NPHP1: variants seen among roughly 807,000 people sequenced by gnomAD.
The protein encoded by NPHP1 is nephrocystin 1, also known as nephrocystin-1.
Under a neutral mutation model 90.4 loss-of-function variants are expected in NPHP1, and 70 were observed. The observed-to-expected ratio is 0.77, with a 90% CI of 0.64 to 0.95. The LOEUF (loss-of-function observed/expected upper bound fraction) is 0.95, where lower values mean the gene tolerates loss of function less well. Among genes scored for constraint, NPHP1 ranks in the 40% least tolerant of loss-of-function variants. NPHP1 has a pLI of 0.00. For synonymous variants in NPHP1, 256 were observed against 271.7 expected (o/e 0.94, Z 0.57); for missense variants, 764 against 795.9 (o/e 0.96, Z 0.48).
chr2:110,141,162 C>T (rs748524861), intron 16 of NPHP1, among the ~76,000 whole-genome samples: 2 of 152,104 alleles, frequency 1.3e-5, no homozygotes, highest in Non-Finnish European at 2.9e-5. Context: ...ATTTCAAATG[C>T]CCCCTGATTT....
chr2:110,152,628 G>A (rs1370500336), intron 11 of NPHP1, among the ~76,000 whole-genome samples: 1 of 147,098 alleles, frequency 6.8e-6, no homozygotes, highest in Non-Finnish European at 1.5e-5. Flanking sequence ...GGTTGCCCCT[G>A]CTTCTCATAA....
At chr2:110,181,543 C>T (rs1363467001) in intron 2 of NPHP1, among the ~76,000 whole-genome samples, 3 of 152,154 alleles carry the variant, frequency 2.0e-5, no homozygotes, top group African/African-American at 7.2e-5. Flanking sequence ...AGCAACACTA[C>T]AGTAGAGTGT....
intron 10 of NPHP1, 58 bp downstream of exon 10, chr2:110,161,545 T>C (rs1443602293): frequency 4.5e-6 from 5 of 1,121,822 alleles, no homozygotes; most frequent in African/African-American, 1.5e-5. Context: ...GTTTGTCTAA[T>C]TGCAACTATG....
intron 14 of NPHP1, among the ~76,000 whole-genome samples, chr2:110,144,891 A>AT (rs569868801): frequency 1.9e-4 from 29 of 151,960 alleles, no homozygotes; most frequent in African/African-American, 5.6e-4. Context: ...ATGACAAGTG[A>AT]TTTTTTTTAA....
chr2:110,185,765 G>A (rs1684240307), intron 2 of NPHP1, among the ~76,000 whole-genome samples: 1 of 152,172 alleles, frequency 6.6e-6, no homozygotes. Context: ...TGGAAAGTCA[G>A]GAGGGAGCAG....
At chr2:110,163,953 G>A (rs2104557185) in intron 8 of NPHP1, 1 of 157,260 alleles carries the variant, frequency 6.4e-6, no homozygotes, top group African/African-American at 2.4e-5. Flanking sequence ...GAGCCACTGT[G>A]CCCATGAGCC....
At chr2:110,168,295 C>T (rs145956675) in intron 6 of NPHP1, among the ~76,000 whole-genome samples, 157 bp downstream of exon 6, 2,484 of 152,220 alleles carry the variant, frequency 0.016, 41 homozygotes, top group South Asian at 0.056. Context: ...ACCATTAATA[C>T]ACAATGTTTT....
chr2:110,196,414 T>C (rs1471049842), intron 2 of NPHP1, among the ~76,000 whole-genome samples: 1 of 152,154 alleles, frequency 6.6e-6, no homozygotes, highest in Non-Finnish European at 1.5e-5. Flanking sequence ...ATGCTCATCA[T>C]CACTGGCCAT....
chr2:110,173,950 CTTTCT>C (rs1362543270), intron 4 of NPHP1, among the ~76,000 whole-genome samples: 1 of 151,952 alleles, frequency 6.6e-6, no homozygotes, highest in Non-Finnish European at 1.5e-5. Context: ...TGAATCGACC[CTTTCT>C]TTTATCATTA....
At chr2:110,179,448 T>C (rs1171226537) in intron 3 of NPHP1, among the ~76,000 whole-genome samples, 176 bp downstream of exon 3, 1 of 152,184 alleles carries the variant, frequency 6.6e-6, no homozygotes, top group Non-Finnish European at 1.5e-5. Context: ...CCCTGGATTT[T>C]GCTTTGCTCC....
intron 2 of NPHP1, among the ~76,000 whole-genome samples, chr2:110,193,597 A>G (rs533604308): frequency 6.6e-6 from 1 of 152,142 alleles, no homozygotes; most frequent in East Asian, 1.9e-4. Context: ...AGACAGATCA[A>G]CGGGACAGAA....
At chr2:110,141,519 G>A (rs1277118468) in intron 16 of NPHP1, among the ~76,000 whole-genome samples, 1 of 152,014 alleles carries the variant, frequency 6.6e-6, no homozygotes, top group Non-Finnish European at 1.5e-5. Context: ...ACTCCCTGAG[G>A]AAAATGTATA....
intron 2 of NPHP1, among the ~76,000 whole-genome samples, chr2:110,200,162 G>T (rs1434632489): frequency 2.0e-5 from 3 of 152,120 alleles, no homozygotes; most frequent in Non-Finnish European, 2.9e-5. Context: ...GGCTGAGGCA[G>T]GAGAATCGCT....
At chr2:110,145,648 A>G (rs1234201788) in intron 14 of NPHP1, among the ~76,000 whole-genome samples, 1 of 152,112 alleles carries the variant, frequency 6.6e-6, no homozygotes. Flanking sequence ...ATATTCTGCA[A>G]CTTTTTCCAT....
chr2:110,189,852 G>C, intron 2 of NPHP1, among the ~76,000 whole-genome samples: 1 of 151,720 alleles, frequency 6.6e-6, no homozygotes, highest in Admixed American at 6.6e-5. Flanking sequence ...AGTGTCGATG[G>C]GTGCATTCAC....
At position 110,123,550 on chromosome 2, in the gene NPHP1, G is replaced by T. The variant is rs1052428349; in HGVS notation, c.*241C>A. ...ACCATTAACTTAAGTAGCTGTTTTT[G>T]AAAAAATAAATACTGTTTAAATTTA... On this transcript the variant is annotated 3_prime_UTR_variant, in exon 20 of 20. Transcript: ENST00000445609. 7.4e-6 allele frequency: 3 copies of T among 405,212 alleles called. No individual in the cohort carries two copies. The highest frequency in any genetic ancestry group is 1.3e-5 in the Non-Finnish European group (3 of 230,212). The allele number at this position is 405,212 out of a possible 1,614,324, so 25.1% of individuals were successfully genotyped here. A position where few individuals can be genotyped will look rare whatever the true frequency, so the allele number is the denominator to read the frequency against.
At chr2:110,177,569 G>A (rs986927247) in intron 4 of NPHP1, among the ~76,000 whole-genome samples, 2 of 152,062 alleles carry the variant, frequency 1.3e-5, no homozygotes, top group East Asian at 3.9e-4. Flanking sequence ...TGCTCAACAA[G>A]TAAGTACAAT....
chr2:110,199,049 A>G, intron 2 of NPHP1, among the ~76,000 whole-genome samples: 1 of 152,100 alleles, frequency 6.6e-6, no homozygotes, highest in East Asian at 1.9e-4. Flanking sequence ...TAGTCATGGA[A>G]GTAGTAAGAA....
intron 7 of NPHP1, 74 bp from the exon 8 acceptor site, chr2:110,164,804 A>G: frequency 8.0e-7 from 1 of 1,257,452 alleles, no homozygotes; most frequent in Non-Finnish European, 1.2e-6. Context: ...TTCTTTAATC[A>G]CAGTTGATAA....
Sources: allele counts gnomAD v4.1 joint callset (sites outside exome capture counted in the v4.1 genomes callset), GRCh38; gene constraint gnomAD v4.1.1; transcripts MANE v1.5; gene names NCBI Gene and HGNC (gene_info 2026-07-23, HGNC 2026-07-21).